The following LRRTM4 variants were observed in gnomAD, a reference collection of about 807,000 sequenced individuals.
The protein encoded by LRRTM4 is leucine rich repeat transmembrane neuronal 4, also known as leucine-rich repeat transmembrane neuronal protein 4.
In LRRTM4, 25 loss-of-function variants were observed where a neutral mutation model predicts 47.6. That is an observed-to-expected ratio of 0.53 (90% CI 0.38 to 0.73). The LOEUF (loss-of-function observed/expected upper bound fraction) is 0.73. Ranked by LOEUF, LRRTM4 falls within the 30% of genes least tolerant of loss-of-function variation. The pLI, the probability that LRRTM4 is intolerant of heterozygous loss-of-function variation, is 0.00. For synonymous variants in LRRTM4, 311 were observed against 269.5 expected (o/e 1.15, Z -1.51); for missense variants, 638 against 713.4 (o/e 0.89, Z 1.20).
At chr2:77,355,020 C>G (rs1412817343) in intron 3 of LRRTM4, among the ~76,000 whole-genome samples, 2 of 152,180 alleles carry the variant, frequency 1.3e-5, no homozygotes, top group East Asian at 3.9e-4. Context: ...CTGTAAAATC[C>G]TCTATTTTAC....
intron 3 of LRRTM4, among the ~76,000 whole-genome samples, chr2:77,273,789 T>A (rs1676267862): frequency 6.6e-6 from 1 of 152,182 alleles, no homozygotes; most frequent in Non-Finnish European, 1.5e-5. Flanking sequence ...ACACAACTAG[T>A]AAGATTCATA....
At chr2:77,196,268 T>TA (rs925360296) in intron 3 of LRRTM4, among the ~76,000 whole-genome samples, 3 of 152,146 alleles carry the variant, frequency 2.0e-5, no homozygotes, top group Admixed American at 1.3e-4. Flanking sequence ...AAGATCAGGG[T>TA]AATAGGCATA....
In LRRTM4 at chr2:76,912,685, C is replaced by T. The variant is rs552587233; in HGVS notation, c.1552-163769G>A. 5.8e-4 allele frequency among the ~76,000 whole-genome samples: 88 copies of T among 152,180 alleles called. No homozygotes were observed. In the South Asian group the frequency reaches 0.018, roughly 31 times the overall value. On this transcript the variant is annotated intron_variant, in intron 3 of 3. Transcript: ENST00000409884. ...AATCCCCATTGCTGGAGGTGTTGAC[C>T]GGTGGGAGGTTATTGGATCATGAGG...
intron 3 of LRRTM4, among the ~76,000 whole-genome samples, chr2:76,809,038 T>C (rs1429539943): frequency 6.6e-6 from 1 of 152,148 alleles, no homozygotes; most frequent in Non-Finnish European, 1.5e-5. Context: ...CCCAATTATC[T>C]TTCTCCATGA....
intron 3 of LRRTM4, among the ~76,000 whole-genome samples, chr2:76,875,385 T>C (rs1018907150): frequency 6.6e-6 from 1 of 152,144 alleles, no homozygotes; most frequent in African/African-American, 2.4e-5. Flanking sequence ...TGACTCATCA[T>C]ATTGCTTTTA....
chr2:77,065,615 A>C (rs1449685594), intron 3 of LRRTM4, among the ~76,000 whole-genome samples: 1 of 152,172 alleles, frequency 6.6e-6, no homozygotes, highest in African/African-American at 2.4e-5. Context: ...TTCATGTAAT[A>C]CTGAGAAATG....
intron 3 of LRRTM4, among the ~76,000 whole-genome samples, chr2:77,497,040 A>C (rs536373521): frequency 6.6e-6 from 1 of 151,838 alleles, no homozygotes; most frequent in East Asian, 1.9e-4. Flanking sequence ...TATGTATCTG[A>C]AAAATGTGTA....
Position 76,781,009 on chromosome 2 carries a change from A to G in LRRTM4, c.1552-32093T>C, listed in dbSNP as rs532695076. Among the ~76,000 whole-genome samples the G allele has an allele frequency of 1.7e-3, 265 of 152,244 alleles. 2 individuals are homozygous for G. In the South Asian group the frequency reaches 0.031, roughly 18 times the overall value. ...GACCCTCAGCTGCAGGTCTGTTGGA[A>G]TACCCTGCCGTGTGAGGTGTCAGTG... On this transcript the variant is annotated intron_variant, in intron 3 of 3. Coordinates refer to ENST00000409884, the MANE Select transcript of LRRTM4 (RefSeq NM_001134745.3).
chr2:76,916,195 A>G (rs1182452759), intron 3 of LRRTM4, among the ~76,000 whole-genome samples: 1 of 152,018 alleles, frequency 6.6e-6, no homozygotes, highest in Non-Finnish European at 1.5e-5. Flanking sequence ...GTAGTAGAAT[A>G]ACATGAACAC....
chr2:76,911,973 A>C (rs1350471709), intron 3 of LRRTM4, among the ~76,000 whole-genome samples: 2 of 139,440 alleles, frequency 1.4e-5, no homozygotes, highest in Non-Finnish European at 3.1e-5. Flanking sequence ...TCTGTCGCCC[A>C]GGCTGGAGTG....
intron 3 of LRRTM4, among the ~76,000 whole-genome samples, chr2:77,336,007 G>T (rs1460000625): frequency 2.0e-5 from 3 of 151,946 alleles, no homozygotes; most frequent in Non-Finnish European, 4.4e-5. Context: ...ATAGGCAGTG[G>T]GCTGGATTTC....
At chr2:77,101,277 A>C (rs961299670) in intron 3 of LRRTM4, among the ~76,000 whole-genome samples, 4 of 152,208 alleles carry the variant, frequency 2.6e-5, no homozygotes, top group African/African-American at 9.6e-5. Flanking sequence ...ATTTGCTTTA[A>C]AACGAAAGAC....
At chr2:77,141,756 C>T (rs1456319486) in intron 3 of LRRTM4, among the ~76,000 whole-genome samples, 6 of 152,062 alleles carry the variant, frequency 3.9e-5, no homozygotes, top group Admixed American at 3.9e-4. Context: ...TTGGTATTGT[C>T]ATTATAAACT....
chr2:76,848,736 GA>G (rs568145920), intron 3 of LRRTM4, among the ~76,000 whole-genome samples: 62 of 151,714 alleles, frequency 4.1e-4, no homozygotes, highest in Admixed American at 8.5e-4. Flanking sequence ...TACAGAAAAA[GA>G]AAAAAAAGTT....
intron 3 of LRRTM4, among the ~76,000 whole-genome samples, chr2:77,369,102 C>T (rs1469583038): frequency 6.6e-6 from 1 of 151,572 alleles, no homozygotes; most frequent in Non-Finnish European, 1.5e-5. Context: ...GTGATGTTGA[C>T]CACCTTTTTA....
At chr2:77,007,762 C>A (rs774564994) in intron 3 of LRRTM4, among the ~76,000 whole-genome samples, 1 of 152,120 alleles carries the variant, frequency 6.6e-6, no homozygotes, top group Non-Finnish European at 1.5e-5. Context: ...GTCTTCCATT[C>A]GGCTTTAGAG....
chr2:77,047,805 A>T (rs866290463), intron 3 of LRRTM4, among the ~76,000 whole-genome samples: 6 of 152,202 alleles, frequency 3.9e-5, no homozygotes, highest in Middle Eastern at 3.4e-3. Flanking sequence ...CATAACATAC[A>T]ATAAACCAAT....
intron 3 of LRRTM4, among the ~76,000 whole-genome samples, chr2:76,914,462 T>G (rs938422438): frequency 1.8e-4 from 28 of 152,234 alleles, no homozygotes; most frequent in Admixed American, 3.3e-4. Flanking sequence ...TTTTGTAAAG[T>G]GTCAAAGATG....
intron 3 of LRRTM4, among the ~76,000 whole-genome samples, chr2:77,067,967 A>G (rs186267131): frequency 2.0e-5 from 3 of 152,280 alleles, no homozygotes; most frequent in Non-Finnish European, 4.4e-5. Flanking sequence ...TTGAAAGTAA[A>G]TTGAGCTATT....
Sources: allele counts gnomAD v4.1 joint callset (sites outside exome capture counted in the v4.1 genomes callset), GRCh38; gene constraint gnomAD v4.1.1; transcripts MANE v1.5; gene names NCBI Gene and HGNC (gene_info 2026-07-23, HGNC 2026-07-21).